Variants in SSBP2 observed in about 807,000 individuals in gnomAD.
SSBP2 encodes the protein single stranded DNA binding protein 2, also known as single-stranded DNA-binding protein 2.
In SSBP2, 17 loss-of-function variants were observed where a neutral mutation model predicts 61.8. The observed-to-expected ratio is 0.28, with a 90% CI of 0.19 to 0.41. The LOEUF is 0.41. Among genes scored for constraint, SSBP2 ranks in the 10% least tolerant of loss-of-function variants. The probability of loss-of-function intolerance (pLI) is 1.00; values close to 1 mark genes in which losing one functional copy is unlikely to be tolerated. For missense variants in SSBP2, 310 were observed against 458.7 expected (o/e 0.68, Z 2.96); for synonymous variants, 139 against 141.3 (o/e 0.98, Z 0.12).
chr5:81,655,424 A>G (rs1750128727), intron 1 of SSBP2, among the ~76,000 whole-genome samples: 1 of 152,160 alleles, frequency 6.6e-6, no homozygotes, highest in South Asian at 2.1e-4. Context: ...TCGTTTTTAA[A>G]AAACATTGAT....
At chr5:81,693,910 C>T (rs1053462245) in intron 1 of SSBP2, among the ~76,000 whole-genome samples, 1 of 152,036 alleles carries the variant, frequency 6.6e-6, no homozygotes, top group African/African-American at 2.4e-5. Flanking sequence ...TCACAATAGC[C>T]AAGATTTGGA....
intron 9 of SSBP2, among the ~76,000 whole-genome samples, chr5:81,461,901 T>C (rs1764571588): frequency 6.6e-6 from 1 of 152,222 alleles, no homozygotes; most frequent in African/African-American, 2.4e-5. Context: ...TAGTACTAAA[T>C]TGTGTACCTG....
chr5:81,664,194 C>A (rs914527982), intron 1 of SSBP2, among the ~76,000 whole-genome samples: 6 of 150,754 alleles, frequency 4.0e-5, no homozygotes, highest in African/African-American at 1.5e-4. Context: ...GGCATCTCTG[C>A]TCACTGCAAC....
At chr5:81,566,292 T>C (rs781138730) in intron 4 of SSBP2, among the ~76,000 whole-genome samples, 1 of 152,220 alleles carries the variant, frequency 6.6e-6, no homozygotes, top group Non-Finnish European at 1.5e-5. Flanking sequence ...TGTACTCCCA[T>C]AATTCCCATA....
intron 5 of SSBP2, among the ~76,000 whole-genome samples, chr5:81,490,120 A>G (rs916530164): frequency 2.0e-5 from 3 of 152,022 alleles, no homozygotes; most frequent in African/African-American, 7.2e-5. Context: ...GTATATTTTT[A>G]ACAAAAGAAA....
intron 1 of SSBP2, among the ~76,000 whole-genome samples, chr5:81,666,443 C>G (rs1392409434): frequency 2.0e-5 from 3 of 152,074 alleles, no homozygotes; most frequent in Non-Finnish European, 4.4e-5. Flanking sequence ...ATATTATAAA[C>G]AAGTAATACT....
chr5:81,498,094 T>C (rs1767426062), intron 5 of SSBP2, among the ~76,000 whole-genome samples: 1 of 152,106 alleles, frequency 6.6e-6, no homozygotes, highest in Admixed American at 6.5e-5. Flanking sequence ...AAACAACATA[T>C]TTTAGTTGAA....
intron 1 of SSBP2, among the ~76,000 whole-genome samples, chr5:81,666,889 A>C (rs972607094): frequency 6.6e-6 from 1 of 152,148 alleles, no homozygotes; most frequent in Non-Finnish European, 1.5e-5. Context: ...GTGGCTTCTT[A>C]ATACTTGTTG....
chr5:81,704,711 G>A (rs529090381), intron 1 of SSBP2, among the ~76,000 whole-genome samples: 1 of 142,568 alleles, frequency 7.0e-6, no homozygotes, highest in African/African-American at 2.6e-5. Context: ...CAGGAGAACC[G>A]CTTGAACCCA....
chr5:81,466,947 T>A lies in SSBP2; in HGVS notation c.638+27A>T, dbSNP rs375890673. ...ATATAAAATATCATCCACGTAATAA[T>A]GTAGTATATGATATAACATTGCTTA... is the stretch of plus-strand genomic sequence containing the variant. On this transcript the variant is annotated intron_variant, in intron 9 of 16. Coordinates refer to ENST00000320672, the MANE Select transcript of SSBP2 (RefSeq NM_012446.5). 5 of 1,357,562 alleles carry A rather than the reference T, an allele frequency of 3.7e-6. No individual in the cohort carries two copies. The African/African-American group carries it at 4.3e-5, about 12-fold the overall frequency. 84.1% of individuals were successfully genotyped at this position (1,357,562 alleles called of 1,614,324 possible). A position where few individuals can be genotyped will look rare whatever the true frequency, so the allele number is the denominator to read the frequency against.
intron 1 of SSBP2, among the ~76,000 whole-genome samples, chr5:81,712,880 T>G (rs78140999): frequency 6.6e-6 from 1 of 151,874 alleles, no homozygotes; most frequent in African/African-American, 2.4e-5. Flanking sequence ...TGCGCCATCA[T>G]GCCCAGCTAA....
chr5:81,679,951 A>G (rs1752263335), intron 1 of SSBP2, among the ~76,000 whole-genome samples: 1 of 127,132 alleles, frequency 7.9e-6, no homozygotes, highest in Admixed American at 7.6e-5. Flanking sequence ...TAGAATAAAA[A>G]GGTGGAAAAA....
chr5:81,577,415 A>C (rs993418384), intron 4 of SSBP2, among the ~76,000 whole-genome samples: 3 of 152,026 alleles, frequency 2.0e-5, no homozygotes, highest in Admixed American at 6.6e-5. Context: ...AAGGAGTTGG[A>C]AGAACATTTT....
In SSBP2 at chr5:81,472,879, GCGTGAGCCACTGCGCCCAGCCAACTGGGT is replaced by G. The variant is rs569300982; in HGVS notation, c.570+792_570+820del. 3.6e-4 allele frequency among the ~76,000 whole-genome samples: 55 copies of G among 152,312 alleles called. 1 individual carries two copies. In the East Asian group the frequency reaches 0.01, roughly 29 times the overall value. ...GCCTCCCAAAGTGCTGGGATTATAGGCGTGAGCCACTGCGCCCAGCCAACTGGGTTTTATTTAACTTAACCATCTCCTCA... is the reference window on the plus strand; with the variant it reads ...GCCTCCCAAAGTGCTGGGATTATAGGTTTATTTAACTTAACCATCTCCTCA... On this transcript the variant is annotated intron_variant, in intron 8 of 16. Coordinates refer to ENST00000320672, the MANE Select transcript of SSBP2 (RefSeq NM_012446.5).
At chr5:81,464,285 A>T (rs1236306715) in intron 9 of SSBP2, among the ~76,000 whole-genome samples, 1 of 152,170 alleles carries the variant, frequency 6.6e-6, no homozygotes, top group African/African-American at 2.4e-5. Context: ...AAATGTATTT[A>T]ATTTAGAAAT....
At chr5:81,643,524 G>A (rs577499138) in intron 2 of SSBP2, among the ~76,000 whole-genome samples, 1 of 149,636 alleles carries the variant, frequency 6.7e-6, no homozygotes, top group African/African-American at 2.5e-5. Flanking sequence ...CTCATGTATA[G>A]AAGCATGAGT....
chr5:81,426,051 A>G (rs993032098), intron 16 of SSBP2, among the ~76,000 whole-genome samples: 8 of 152,244 alleles, frequency 5.3e-5, no homozygotes, highest in African/African-American at 1.7e-4. Flanking sequence ...CATTTATTGA[A>G]CAATGTTTTC....
rs1262412740 is a variant in SSBP2, at chr5:81,595,306, C to A, written c.282+20167G>T. Among the ~76,000 whole-genome samples, 4 of 152,270 alleles carry A rather than the reference C, an allele frequency of 2.6e-5. No homozygotes were observed. The East Asian group carries it at 5.8e-4, about 22-fold the overall frequency. ...ACTAAACCAGGAAGAAGTTGAATCT[C>A]TGAATAGACCAATAACAGGCTCTGA... On this transcript the variant is annotated intron_variant, in intron 4 of 16. Coordinates refer to ENST00000320672, the MANE Select transcript of SSBP2 (RefSeq NM_012446.5).
At chr5:81,722,773 T>A (rs1440418726) in intron 1 of SSBP2, among the ~76,000 whole-genome samples, 2 of 151,990 alleles carry the variant, frequency 1.3e-5, no homozygotes, top group East Asian at 3.8e-4. Flanking sequence ...CAGAAACACA[T>A]AGTATGTCTC....
Sources: gnomAD v4.1 joint callset for allele counts (sites outside exome capture counted in the v4.1 genomes callset) on GRCh38, gnomAD v4.1.1 for gene constraint, MANE v1.5 for transcripts, NCBI Gene and HGNC (gene_info 2026-07-23, HGNC 2026-07-21) for gene names.